The following SLC44A1 variants were observed in gnomAD, a reference collection of about 807,000 sequenced individuals.
SLC44A1 encodes the protein solute carrier family 44 member 1.
A neutral mutation model predicts 79.3 loss-of-function variants in SLC44A1; 26 were observed. The observed-to-expected ratio is 0.33, with a 90% confidence interval of 0.24 to 0.46. The LOEUF (loss-of-function observed/expected upper bound fraction) is 0.46, where lower values mean the gene tolerates loss of function less well. Among genes scored for constraint, SLC44A1 ranks in the 20% least tolerant of loss-of-function variants. The pLI, the probability that SLC44A1 is intolerant of heterozygous loss-of-function variation, is 1.00. For synonymous variants in SLC44A1, 263 were observed against 286.2 expected (o/e 0.92, Z 0.82); for missense variants, 688 against 798.1 (o/e 0.86, Z 1.66).
At chr9:105,349,057 A>G (rs1310408442) in intron 5 of SLC44A1, among the ~76,000 whole-genome samples, 1 of 152,220 alleles carries the variant, frequency 6.6e-6, no homozygotes, top group Non-Finnish European at 1.5e-5. Flanking sequence ...CAAAGTAGTG[A>G]TAAGTAAAGC....
chr9:105,250,280 GCC>G (rs1829552192), intron 1 of SLC44A1, among the ~76,000 whole-genome samples: 1 of 152,132 alleles, frequency 6.6e-6, no homozygotes, highest in Admixed American at 6.5e-5. Flanking sequence ...TTCTACAGTT[GCC>G]ATCTGGAGAG....
intron 4 of SLC44A1, among the ~76,000 whole-genome samples, chr9:105,341,483 TA>T (rs1827088956): frequency 6.6e-6 from 1 of 152,136 alleles, no homozygotes; most frequent in Non-Finnish European, 1.5e-5. Context: ...TACATAATGC[TA>T]GAGAAGAAAA....
intron 3 of SLC44A1, among the ~76,000 whole-genome samples, chr9:105,332,654 G>T (rs1246415662): frequency 6.6e-6 from 1 of 152,046 alleles, no homozygotes; most frequent in South Asian, 2.1e-4. Context: ...GATCTGTTTT[G>T]GGGGCCTACT....
intron 15 of SLC44A1, among the ~76,000 whole-genome samples, chr9:105,436,457 T>C (rs1275784807): frequency 1.3e-5 from 2 of 152,172 alleles, no homozygotes; most frequent in Admixed American, 1.3e-4. Context: ...ATGGAGCTTC[T>C]ATAGTCCCAG....
At position 105,356,276 on chromosome 9, in the gene SLC44A1, G is replaced by A. The variant is rs769337267; in HGVS notation, c.565G>A (p.Glu189Lys). ...VNISCYAKFA[E>K]ALITFVSDNS... is the part of the protein sequence containing the mutation. ...CATTTCCTGCTATGCCAAGTTTGCAGAGGCCCTGATCACCTTTGTCAGTGA... is the reference window on the plus strand; with the variant it reads ...CATTTCCTGCTATGCCAAGTTTGCAAAGGCCCTGATCACCTTTGTCAGTGA... Residue 189 changes from glutamate (E) to lysine (K), a missense_variant, in exon 6 of 16, where the codon GAG becomes AAG. Physicochemically the swap from Glu to Lys is moderately conservative, Grantham distance 56. Coordinates refer to ENST00000374720, the MANE Select transcript of SLC44A1 (RefSeq NM_080546.5). 2.5e-6 allele frequency: 4 copies of A among 1,613,456 alleles called. No individual in the cohort carries two copies. Among genetic ancestry groups the A allele is most frequent in the Non-Finnish European group, 3.4e-6 (4 of 1,179,602 alleles).
At chr9:105,343,439 T>C (rs1827160017) in intron 4 of SLC44A1, among the ~76,000 whole-genome samples, 1 of 152,204 alleles carries the variant, frequency 6.6e-6, no homozygotes, top group Non-Finnish European at 1.5e-5. Context: ...TGTTATCTGG[T>C]TGTTAGATTA....
rs1378039618 is a variant in SLC44A1 at position 105,395,466 on chromosome 9, G to A, written c.*6410G>A. 8.7e-6 allele frequency: 7 copies of A among 801,212 alleles called. No homozygotes were observed. The highest frequency in any genetic ancestry group is 1.3e-4 in the East Asian group (1 of 7,994). The allele number at this position is 801,212 out of a possible 1,614,324, so 49.6% of individuals were successfully genotyped here. On this transcript the variant is annotated 3_prime_UTR_variant, in exon 16 of 16. Transcript: ENST00000374720. ...ACTCCTGACCTCAGGTGATCCACCC[G>A]CCTCAGCCTCCCAAAGTGCTGGGAT...
intron 3 of SLC44A1, among the ~76,000 whole-genome samples, chr9:105,331,987 C>A (rs951583419): frequency 6.6e-6 from 1 of 152,102 alleles, no homozygotes; most frequent in Non-Finnish European, 1.5e-5. Context: ...CCTACACACC[C>A]AACAAATGTT....
intron 15 of SLC44A1, among the ~76,000 whole-genome samples, chr9:105,386,968 G>A (rs1282855418): frequency 6.9e-6 from 1 of 144,602 alleles, no homozygotes; most frequent in Non-Finnish European, 1.5e-5. Flanking sequence ...GAACCTGGGA[G>A]GCAGAGGTTG....
chr9:105,388,941 T>C, intron 15 of SLC44A1, 92 bp from the exon 16 acceptor site: 1 of 965,186 alleles, frequency 1.0e-6, no homozygotes, highest in Non-Finnish European at 1.7e-6. Flanking sequence ...TGTCTTGCTG[T>C]TTGTGACCAT....
At chr9:105,352,569 C>T (rs1381721387) in intron 5 of SLC44A1, among the ~76,000 whole-genome samples, 1 of 152,202 alleles carries the variant, frequency 6.6e-6, no homozygotes, top group Non-Finnish European at 1.5e-5. Flanking sequence ...AATGTGACTA[C>T]ATCGACTTAT....
intron 2 of SLC44A1, among the ~76,000 whole-genome samples, chr9:105,304,969 TTTTTTTTTTTTTTTTTTC>T (rs1830985732): frequency 2.6e-5 from 3 of 113,762 alleles, no homozygotes; most frequent in African/African-American, 1.0e-4. Flanking sequence ...TTTTTTTTTT[TTTTTTTTTTTTTTTTTTC>T]AGAGTCAAGG....
At chr9:105,416,932 A>G (rs1428061625) in intron 15 of SLC44A1, among the ~76,000 whole-genome samples, 1 of 152,260 alleles carries the variant, frequency 6.6e-6, no homozygotes, top group African/African-American at 2.4e-5. Flanking sequence ...TGAGAATTTC[A>G]TGCAGATTAA....
rs1830335830 is a variant in SLC44A1, at chr9:105,280,928, G to A, written c.37-18292G>A. Among the ~76,000 whole-genome samples the A allele has an allele frequency of 2.6e-5, 4 of 152,206 alleles. No homozygotes were observed. In the South Asian group the frequency reaches 8.3e-4, roughly 31 times the overall value. ...CATGAGCTGGTGTGAGTCAATGTGA[G>A]ATCACTGCAGCACACAAATGGCACA... On this transcript the variant is annotated intron_variant, in intron 1 of 15. Transcript: ENST00000374720.
intron 3 of SLC44A1, among the ~76,000 whole-genome samples, chr9:105,332,011 C>T (rs1474247206): frequency 2.6e-5 from 4 of 152,042 alleles, no homozygotes; most frequent in African/African-American, 9.7e-5. Context: ...AGAATCTGAA[C>T]CTAAGGTCAA....
At chr9:105,351,550 A>AAGAAAGAAAGAGAGAAAGAG (rs1554797110) in intron 5 of SLC44A1, among the ~76,000 whole-genome samples, 38 of 100,284 alleles carry the variant, frequency 3.8e-4, no homozygotes, top group African/African-American at 9.8e-4. Context: ...GAAAGAAAGA[A>AAGAAAGAAAGAGAGAAAGAG]AGAAAGAGAG....
At chr9:105,268,657 C>G (rs144327485) in intron 1 of SLC44A1, among the ~76,000 whole-genome samples, 62 of 152,188 alleles carry the variant, frequency 4.1e-4, no homozygotes, top group African/African-American at 1.4e-3. Flanking sequence ...AGCACCACCA[C>G]GCCCAGCTAA....
chr9:105,365,768 C>T (rs1827921897), intron 11 of SLC44A1, 129 bp downstream of exon 11: 1 of 919,148 alleles, frequency 1.1e-6, no homozygotes, highest in Non-Finnish European at 1.7e-6. Context: ...AGGCAAAATC[C>T]AGCCCTTCTC....
chr9:105,420,943 G>A (rs569560897), intron 15 of SLC44A1, among the ~76,000 whole-genome samples: 2 of 147,210 alleles, frequency 1.4e-5, no homozygotes, highest in African/African-American at 2.5e-5. Flanking sequence ...ACTGAGTTAA[G>A]CACTGCAAGA....
Sources: allele counts gnomAD v4.1 joint callset (sites outside exome capture counted in the v4.1 genomes callset), GRCh38; gene constraint gnomAD v4.1.1; transcripts MANE v1.5; gene names NCBI Gene and HGNC (gene_info 2026-07-23, HGNC 2026-07-21).